Variants in PTN observed in about 807,000 individuals in gnomAD.
The protein encoded by PTN is heparin affin regulatory protein.
PTN carries 18 observed loss-of-function variants against 24.1 expected under a neutral mutation model. The ratio of observed to expected loss-of-function variants is 0.75; its 90% CI spans 0.52 to 1.11. PTN has a LOEUF of 1.11. PTN is among the 50% of genes least tolerant of loss of function. The probability of loss-of-function intolerance (pLI) is 0.00; values close to 1 mark genes in which losing one functional copy is unlikely to be tolerated. For missense variants in PTN, 163 were observed against 198.8 expected, an observed-to-expected ratio of 0.82 and a Z score of 1.08; for synonymous variants, 78 against 68.6, an observed-to-expected ratio of 1.14 and a Z score of -0.67.
chr7:137,307,064 A>G (rs1431377290), intron 1 of PTN, among the ~76,000 whole-genome samples: 1 of 152,100 alleles, frequency 6.6e-6, no homozygotes, highest in Non-Finnish European at 1.5e-5. Context: ...TGCTCAGTAG[A>G]GAAACTGAAA....
At chr7:137,341,338 G>C (rs971629730) in intron 1 of PTN, among the ~76,000 whole-genome samples, 1 of 151,982 alleles carries the variant, frequency 6.6e-6, no homozygotes, top group Admixed American at 6.6e-5. Context: ...TCATTAAAAA[G>C]AAATGTAGAT....
chr7:137,341,840 T>G (rs1810538842), intron 1 of PTN, among the ~76,000 whole-genome samples: 2 of 152,242 alleles, frequency 1.3e-5, no homozygotes, highest in African/African-American at 4.8e-5. Context: ...CACAAAAGGA[T>G]GGCATTAGAG....
chr7:137,298,030 A>G (rs1563216267), intron 1 of PTN, among the ~76,000 whole-genome samples: 2 of 152,008 alleles, frequency 1.3e-5, no homozygotes, highest in Non-Finnish European at 2.9e-5. Context: ...GCAAGAACAG[A>G]GACCAGAAGC....
intron 1 of PTN, among the ~76,000 whole-genome samples, chr7:137,279,811 G>A (rs1415991640): frequency 6.6e-6 from 1 of 152,220 alleles, no homozygotes; most frequent in Non-Finnish European, 1.5e-5. Flanking sequence ...CAGGCAATAA[G>A]CAGAGTGAGT....
chr7:137,239,311 T>C (rs1808578614), intron 4 of PTN, among the ~76,000 whole-genome samples: 1 of 152,212 alleles, frequency 6.6e-6, no homozygotes, highest in African/African-American at 2.4e-5. Flanking sequence ...CATTCATTCA[T>C]TCAAGTCAGT....
chr7:137,280,090 G>C (rs1253390891), intron 1 of PTN, among the ~76,000 whole-genome samples: 2 of 152,278 alleles, frequency 1.3e-5, no homozygotes, highest in East Asian at 3.9e-4. Context: ...GGCTCCCTAA[G>C]TAATGCATGC....
intron 4 of PTN, among the ~76,000 whole-genome samples, chr7:137,250,788 T>A (rs1166451744): frequency 1.3e-5 from 2 of 152,202 alleles, no homozygotes; most frequent in Non-Finnish European, 2.9e-5. Context: ...AGTTATGCAG[T>A]GAATAAAGGG....
intron 1 of PTN, among the ~76,000 whole-genome samples, chr7:137,280,727 C>T (rs1424802952): frequency 2.0e-4 from 5 of 24,604 alleles, no homozygotes; most frequent in Non-Finnish European, 4.6e-4. Context: ...AAAAAAAAAG[C>T]TGAGTGTGGT....
intron 4 of PTN, among the ~76,000 whole-genome samples, chr7:137,239,542 C>T (rs901740523): frequency 4.0e-5 from 6 of 151,674 alleles, no homozygotes; most frequent in Non-Finnish European, 8.8e-5. Context: ...CAGTGCTATC[C>T]CTCCCCCCTC....
At chr7:137,332,582 C>A (rs1246142914) in intron 1 of PTN, among the ~76,000 whole-genome samples, 1 of 152,110 alleles carries the variant, frequency 6.6e-6, no homozygotes, top group Admixed American at 6.6e-5. Flanking sequence ...TAAGCATAGA[C>A]ACCGGTTAAA....
chr7:137,336,309 C>T (rs181171164), intron 1 of PTN, among the ~76,000 whole-genome samples: 35 of 152,200 alleles, frequency 2.3e-4, no homozygotes, highest in Admixed American at 1.5e-3. Context: ...AAACAACAGG[C>T]GGACTGTGGT....
chr7:137,335,345 G>A (rs1255331369), intron 1 of PTN, among the ~76,000 whole-genome samples: 1 of 152,066 alleles, frequency 6.6e-6, no homozygotes, highest in Non-Finnish European at 1.5e-5. Flanking sequence ...CATCTGGCCA[G>A]GGGCTTTTTA....
At chr7:137,263,750 G>A (rs761350370) in intron 1 of PTN, among the ~76,000 whole-genome samples, 2 of 152,128 alleles carry the variant, frequency 1.3e-5, no homozygotes, top group Non-Finnish European at 2.9e-5. Context: ...GTAGTAGGAA[G>A]AAAGATGGTT....
At chr7:137,311,095 G>A (rs963272784) in intron 1 of PTN, among the ~76,000 whole-genome samples, 1 of 152,084 alleles carries the variant, frequency 6.6e-6, no homozygotes, top group Non-Finnish European at 1.5e-5. Context: ...AGCTGGGCAT[G>A]GTGGTACACA....
At chr7:137,315,165 T>C (rs1810050444) in intron 1 of PTN, among the ~76,000 whole-genome samples, 1 of 152,156 alleles carries the variant, frequency 6.6e-6, no homozygotes, top group South Asian at 2.1e-4. Flanking sequence ...ATGCTAATAA[T>C]TATGCCATGC....
intron 1 of PTN, among the ~76,000 whole-genome samples, chr7:137,341,197 A>C (rs963039546): frequency 6.6e-6 from 1 of 152,188 alleles, no homozygotes; most frequent in Admixed American, 6.5e-5. Context: ...TCTAAGATTG[A>C]TTTTACTAAA....
chr7:137,234,720 G>C (rs571797436), intron 4 of PTN, among the ~76,000 whole-genome samples: 5 of 152,016 alleles, frequency 3.3e-5, no homozygotes, highest in African/African-American at 1.2e-4. Flanking sequence ...TGAGAATTCT[G>C]AAATAAGCTT....
chr7:137,253,394 A>G, intron 3 of PTN, 70 bp downstream of exon 3: 3 of 1,451,586 alleles, frequency 2.1e-6, no homozygotes, highest in South Asian at 2.9e-5. Context: ...TTATCCTTAA[A>G]AAGACATTTG....
chr7:137,321,155 T>C (rs958593852), intron 1 of PTN, among the ~76,000 whole-genome samples: 8 of 152,148 alleles, frequency 5.3e-5, no homozygotes, highest in African/African-American at 1.7e-4. Context: ...CTGAATTATA[T>C]AACACATGTG....
Sources: allele counts gnomAD v4.1 joint callset (sites outside exome capture counted in the v4.1 genomes callset), GRCh38; gene constraint gnomAD v4.1.1; transcripts MANE v1.5; gene names NCBI Gene and HGNC (gene_info 2026-07-23, HGNC 2026-07-21).